Variants in GUCY1A2 observed in about 807,000 individuals in gnomAD.
The protein encoded by GUCY1A2 is guanylate cyclase 1 soluble subunit alpha 2, also known as guanylate cyclase soluble subunit alpha-2.
GUCY1A2 carries 27 observed loss-of-function variants against 63.5 expected under a neutral mutation model. The ratio of observed to expected loss-of-function variants is 0.43; its 90% CI spans 0.31 to 0.59. GUCY1A2 has a LOEUF of 0.59. Ranked by LOEUF, GUCY1A2 falls within the 20% of genes least tolerant of loss-of-function variation. The pLI, the probability that GUCY1A2 is intolerant of heterozygous loss-of-function variation, is 0.11. For missense variants in GUCY1A2, 768 were observed against 913.3 expected, an observed-to-expected ratio of 0.84 and a Z score of 2.05; for synonymous variants, 364 against 343.5, an observed-to-expected ratio of 1.06 and a Z score of -0.66.
chr11:106,770,488 A>G (rs144191953), intron 6 of GUCY1A2, among the ~76,000 whole-genome samples: 95 of 152,208 alleles, frequency 6.2e-4, no homozygotes, highest in African/African-American at 1.9e-3. Flanking sequence ...GAAATCTGAT[A>G]GGGTTAATTA....
At chr11:106,891,444 T>G (rs1241884824) in intron 4 of GUCY1A2, among the ~76,000 whole-genome samples, 3 of 152,188 alleles carry the variant, frequency 2.0e-5, no homozygotes, top group African/African-American at 7.2e-5. Context: ...TTAATTTTGA[T>G]GAAATTTAAT....
At chr11:106,829,436 A>G (rs1190471830) in intron 4 of GUCY1A2, among the ~76,000 whole-genome samples, 5 of 152,282 alleles carry the variant, frequency 3.3e-5, no homozygotes. Context: ...TGGCTGAGTG[A>G]CGACAGGCTG....
At chr11:106,711,270 T>A (rs1345548086) in intron 6 of GUCY1A2, among the ~76,000 whole-genome samples, 1 of 152,194 alleles carries the variant, frequency 6.6e-6, no homozygotes, top group Non-Finnish European at 1.5e-5. Flanking sequence ...GAAAAAGATG[T>A]CTTTTTTATT....
intron 4 of GUCY1A2, among the ~76,000 whole-genome samples, chr11:106,854,955 C>A (rs912859967): frequency 1.1e-4 from 17 of 152,152 alleles, no homozygotes; most frequent in African/African-American, 4.1e-4. Context: ...GGGGACCAAG[C>A]CACAATGCCA....
rs377502711 is a variant in GUCY1A2 at position 106,870,262 on chromosome 11, AT to A, written c.1207-59785del. ...TAGAACTTAAAGTATAATAAAAAAA[AT>A]ATATCTATAAAAAAACTACACCATA... On this transcript the variant is annotated intron_variant, in intron 4 of 7. Coordinates refer to ENST00000526355, the MANE Select transcript of GUCY1A2 (RefSeq NM_000855.3). Among the ~76,000 whole-genome samples the A allele has an allele frequency of 4.0e-3, 606 of 152,226 alleles. 1 individual carries two copies. The highest frequency in any genetic ancestry group is 0.014 in the African/African-American group (574 of 41,542).
intron 6 of GUCY1A2, among the ~76,000 whole-genome samples, chr11:106,712,121 C>G (rs1863131194): frequency 6.6e-6 from 1 of 151,768 alleles, no homozygotes; most frequent in Non-Finnish European, 1.5e-5. Context: ...TTTCTGTCTA[C>G]CTCTCCCTCT....
chr11:106,986,122 T>C lies in GUCY1A2; in HGVS notation c.313A>G (p.Ile105Val). ...AGTGTCCTCTTGAGAGTCTGCTGTA[T>C]CGTCTGAGGCTACAGAATAATAATA... The part of the protein sequence containing the change: ...SRLTAPSPQT[I>V]QQTLKRTLQY... Residue 105 changes from isoleucine to valine, a missense_variant, in exon 2 of 8, where the codon ATA (isoleucine) becomes GTA (valine). Around this residue, in one of 3 missense-constraint regions of GUCY1A2, gnomAD observed 496 missense variants for 486.9 expected, o/e 1.02. Transcript: ENST00000526355. 1.4e-6 allele frequency: 2 copies of C among 1,455,046 alleles called. No individual in the cohort carries two copies. The highest frequency in any genetic ancestry group is 1.9e-6 in the Non-Finnish European group (2 of 1,035,046). The allele number at this position is 1,455,046 out of a possible 1,614,324, so 90.1% of individuals were successfully genotyped here. A position where few individuals can be genotyped will look rare whatever the true frequency, so the allele number is the denominator to read the frequency against.
intron 4 of GUCY1A2, among the ~76,000 whole-genome samples, chr11:106,856,420 T>C (rs1281032416): frequency 6.6e-6 from 1 of 151,988 alleles, no homozygotes; most frequent in Non-Finnish European, 1.5e-5. Flanking sequence ...ATAAAAAAGA[T>C]CTGCCTTTTT....
At chr11:106,919,832 C>T (rs4523665) in intron 4 of GUCY1A2, among the ~76,000 whole-genome samples, 23,147 of 152,070 alleles carry the variant, frequency 0.15, 2,127 homozygotes, top group South Asian at 0.27. Flanking sequence ...AGAGAAGCCA[C>T]ATTTCATTTC....
In GUCY1A2 at chr11:106,722,900, A is replaced by C. The variant is rs187515133; in HGVS notation, c.1837-14234T>G. On this transcript the variant is annotated intron_variant, in intron 6 of 7. Coordinates refer to ENST00000526355, the MANE Select transcript of GUCY1A2 (RefSeq NM_000855.3). ...CACTGGTTTGTTTTGTTTTGACCCC[A>C]TTCCCCCAGACATGTGAAATTCAGA... Among the ~76,000 whole-genome samples, 215 of 152,136 alleles carry C rather than the reference A, an allele frequency of 1.4e-3. 1 individual carries two copies. Among genetic ancestry groups the C allele is most frequent in the African/African-American group, 5.1e-3 (210 of 41,500 alleles).
At chr11:106,923,746 T>G (rs995888240) in intron 4 of GUCY1A2, among the ~76,000 whole-genome samples, 2 of 152,162 alleles carry the variant, frequency 1.3e-5, no homozygotes, top group African/African-American at 2.4e-5. Context: ...ATAAATTTAT[T>G]CTGGATGAGG....
intron 1 of GUCY1A2, among the ~76,000 whole-genome samples, chr11:107,001,609 G>C (rs894211777): frequency 5.3e-5 from 8 of 151,716 alleles, no homozygotes; most frequent in African/African-American, 1.9e-4. Flanking sequence ...TGTTTTTGCT[G>C]TTGTTGATTT....
intron 6 of GUCY1A2, among the ~76,000 whole-genome samples, chr11:106,751,541 G>C (rs183473521): frequency 1.3e-5 from 2 of 150,916 alleles, no homozygotes; most frequent in Admixed American, 1.3e-4. Context: ...GATGTGAATA[G>C]TACTGTATCA....
chr11:106,988,707 G>A (rs756676702), intron 1 of GUCY1A2, among the ~76,000 whole-genome samples: 5 of 152,182 alleles, frequency 3.3e-5, no homozygotes, highest in East Asian at 1.9e-4. Context: ...AAGTGGGCAG[G>A]CACATTCTAA....
intron 3 of GUCY1A2, among the ~76,000 whole-genome samples, chr11:106,960,614 T>C (rs953474169): frequency 1.3e-5 from 2 of 152,166 alleles, no homozygotes; most frequent in African/African-American, 4.8e-5. Context: ...TAATTTAAAT[T>C]CAAGAGGGCT....
In GUCY1A2 at chr11:106,683,707, A is replaced by G. The variant is rs1208252588; in HGVS notation, c.*3842T>C. ...GTCCAGAATGGACTGAGTCATTCTC[A>G]AAATGACAAGACAGAAACCTGTGTG... On this transcript the variant is annotated 3_prime_UTR_variant, in exon 8 of 8. Coordinates refer to ENST00000526355, the MANE Select transcript of GUCY1A2 (RefSeq NM_000855.3). The G allele has an allele frequency of 1.3e-5, 3 of 224,976 alleles. No individual in the cohort carries two copies. Among genetic ancestry groups the G allele is most frequent in the Non-Finnish European group, 2.7e-5 (3 of 112,762 alleles). The allele number at this position is 224,976 out of a possible 1,614,324, so 13.9% of individuals were successfully genotyped here. A position where few individuals can be genotyped will look rare whatever the true frequency, so the allele number is the denominator to read the frequency against.
At chr11:106,748,096 T>G (rs1863821382) in intron 6 of GUCY1A2, among the ~76,000 whole-genome samples, 1 of 152,192 alleles carries the variant, frequency 6.6e-6, no homozygotes, top group Non-Finnish European at 1.5e-5. Flanking sequence ...TAAAGAAGTT[T>G]CTTTAAAAAA....
chr11:106,994,864 C>T (rs915779326), intron 1 of GUCY1A2, among the ~76,000 whole-genome samples: 5 of 152,140 alleles, frequency 3.3e-5, no homozygotes, highest in Non-Finnish European at 5.9e-5. Flanking sequence ...TTGTTGTTTT[C>T]CCAAAATTGT....
intron 4 of GUCY1A2, among the ~76,000 whole-genome samples, chr11:106,885,964 CAAAG>C (rs886604661): frequency 9.9e-5 from 15 of 152,078 alleles, no homozygotes; most frequent in African/African-American, 3.4e-4. Flanking sequence ...CAGAGAGAGA[CAAAG>C]AAAGAGAAAA....
Sources: gnomAD v4.1 joint callset for allele counts (sites outside exome capture counted in the v4.1 genomes callset) on GRCh38, gnomAD v4.1.1 for gene constraint, gnomAD v4.1.1 regional missense constraint, MANE v1.5 for transcripts, NCBI Gene and HGNC (gene_info 2026-07-23, HGNC 2026-07-21) for gene names.